Variants in PRUNE2 observed in about 807,000 individuals in gnomAD.
PRUNE2 encodes the protein protein prune homolog 2.
A neutral mutation model predicts 252.0 loss-of-function variants in PRUNE2; 164 were observed. The observed-to-expected ratio is 0.65, with a 90% CI of 0.57 to 0.74. The LOEUF (loss-of-function observed/expected upper bound fraction) is 0.74. Ranked by LOEUF, PRUNE2 falls within the 30% of genes least tolerant of loss-of-function variation. The probability of loss-of-function intolerance (pLI) is 0.00; values close to 1 mark genes in which losing one functional copy is unlikely to be tolerated. For missense variants in PRUNE2, 3,495 were observed against 3,711.0 expected (o/e 0.94, Z 1.51); for synonymous variants, 1,292 against 1,350.2 (o/e 0.96, Z 0.94).
intron 16 of PRUNE2, 102 bp from the exon 17 acceptor site, chr9:76,624,592 T>C (rs1014852404): frequency 1.7e-5 from 13 of 785,608 alleles, no homozygotes; most frequent in Non-Finnish European, 2.4e-5. Flanking sequence ...AAGTGGTGCA[T>C]ATGTGCTTTT....
At chr9:76,814,643 A>G (rs767250031) in intron 6 of PRUNE2, among the ~76,000 whole-genome samples, 1 of 152,196 alleles carries the variant, frequency 6.6e-6, no homozygotes, top group Non-Finnish European at 1.5e-5. Flanking sequence ...GGCCCATTGC[A>G]TCAAGATCCC....
intron 6 of PRUNE2, among the ~76,000 whole-genome samples, chr9:76,762,903 T>C (rs1589077648): frequency 6.6e-6 from 1 of 152,200 alleles, no homozygotes; most frequent in East Asian, 1.9e-4. Flanking sequence ...AAACTGGATA[T>C]TTGGTTTCTG....
intron 6 of PRUNE2, among the ~76,000 whole-genome samples, chr9:76,769,974 T>C (rs1016181559): frequency 6.6e-6 from 1 of 152,172 alleles, no homozygotes; most frequent in Non-Finnish European, 1.5e-5. Context: ...AAAGATTAAC[T>C]AGACAAGAGC....
chr9:76,707,906 T>C lies in PRUNE2; in HGVS notation c.4368A>G (p.Val1456=). Residue 1456 remains valine (V), a synonymous_variant, in exon 8 of 19, where the codon GTA becomes GTG. Transcript: ENST00000376718. ...TCTCAAGATCCTTTTCAGGTACAGA[T>C]ACATATTTTGTGAAATTCATCCCAT... The part of the protein sequence containing the change: ...TSDGMNFTKY[V]SVPEKDLEKT... 3 of 1,613,912 alleles carry C rather than the reference T, an allele frequency of 1.9e-6. No individual in the cohort carries two copies. The highest frequency in any genetic ancestry group is 2.2e-5 in the East Asian group (1 of 44,880).
intron 9 of PRUNE2, among the ~76,000 whole-genome samples, chr9:76,691,815 T>C (rs777083179): frequency 1.3e-5 from 2 of 152,334 alleles, no homozygotes; most frequent in Admixed American, 6.5e-5. Flanking sequence ...GTCTGTTTCC[T>C]GATTACCTGA....
chr9:76,655,524 G>A (rs1313620619), intron 9 of PRUNE2, 22 bp from the exon 10 acceptor site: 4 of 1,576,938 alleles, frequency 2.5e-6, no homozygotes, highest in Non-Finnish European at 2.6e-6. Flanking sequence ...GCAAAGCAAA[G>A]CGCGTCAACA....
chr9:76,679,052 T>C (rs2043131881), intron 9 of PRUNE2, among the ~76,000 whole-genome samples: 1 of 152,180 alleles, frequency 6.6e-6, no homozygotes, highest in Non-Finnish European at 1.5e-5. Flanking sequence ...GAATCTTGGC[T>C]CTGACCTTTT....
At chr9:76,763,666 A>C (rs2051990282) in intron 6 of PRUNE2, among the ~76,000 whole-genome samples, 1 of 152,184 alleles carries the variant, frequency 6.6e-6, no homozygotes, top group Non-Finnish European at 1.5e-5. Context: ...TGAGAGATTA[A>C]AAGCCACGTT....
At chr9:76,816,664 A>C (rs1225860118) in intron 6 of PRUNE2, among the ~76,000 whole-genome samples, 1 of 152,160 alleles carries the variant, frequency 6.6e-6, no homozygotes, top group Admixed American at 6.5e-5. Context: ...TTCCCCAGCT[A>C]CTCGGAGTTT....
intron 6 of PRUNE2, among the ~76,000 whole-genome samples, chr9:76,774,408 G>T (rs2053459584): frequency 6.8e-6 from 1 of 147,800 alleles, no homozygotes; most frequent in Non-Finnish European, 1.5e-5. Context: ...AAAGTGTTGG[G>T]ATTAGAGGCA....
intron 18 of PRUNE2, chr9:76,615,268 A>C: frequency 1.0e-6 from 1 of 983,042 alleles, no homozygotes; most frequent in Non-Finnish European, 1.2e-6. Flanking sequence ...GAAGAAAACC[A>C]AAAGCCAGTA....
chr9:76,754,977 A>AC (rs1008034177), intron 6 of PRUNE2, among the ~76,000 whole-genome samples: 3 of 140,008 alleles, frequency 2.1e-5, no homozygotes, highest in African/African-American at 5.6e-5. Flanking sequence ...AAAAAAAAAA[A>AC]AAAAAAAAAA....
At chr9:76,797,036 C>T (rs2056154315) in intron 6 of PRUNE2, among the ~76,000 whole-genome samples, 1 of 150,968 alleles carries the variant, frequency 6.6e-6, no homozygotes, top group Non-Finnish European at 1.5e-5. Context: ...CACACTCACA[C>T]ATACACACAC....
intron 6 of PRUNE2, among the ~76,000 whole-genome samples, chr9:76,806,539 G>A (rs1469099366): frequency 4.0e-4 from 53 of 133,754 alleles, no homozygotes; most frequent in Non-Finnish European, 1.1e-4. Context: ...ACGGAGTTTC[G>A]CCCTGTCGCC....
chr9:76,672,111 T>C (rs889248619), intron 9 of PRUNE2, among the ~76,000 whole-genome samples: 12 of 151,988 alleles, frequency 7.9e-5, no homozygotes, highest in African/African-American at 2.4e-4. Context: ...GACTGGCGAA[T>C]TGGATAAAGA....
At chr9:76,745,282 A>C (rs1428383103) in intron 6 of PRUNE2, among the ~76,000 whole-genome samples, 1 of 152,210 alleles carries the variant, frequency 6.6e-6, no homozygotes, top group Non-Finnish European at 1.5e-5. Context: ...TTGTAAAGCT[A>C]ATGAAAGGCT....
chr9:76,779,243 T>C (rs2054118143), intron 6 of PRUNE2, among the ~76,000 whole-genome samples: 2 of 152,080 alleles, frequency 1.3e-5, no homozygotes, highest in African/African-American at 4.8e-5. Flanking sequence ...TTTTTTTTTT[T>C]TTTGGAAGTA....
chr9:76,710,762 C>A lies in PRUNE2; in HGVS notation c.1512G>T (p.Gly504=). The change falls in exon 8 of 19, where the codon GGG becomes GGT. Residue 504 remains glycine, a synonymous_variant. Coordinates refer to ENST00000376718, the MANE Select transcript of PRUNE2 (RefSeq NM_015225.3). ...FNFDPAPMAS[G]QSQQSSHSAD... ...CAGAATGAGAAGATTGCTGGGACTG[C>A]CCAGAAGCCATGGGTGCTGGGTCAA... is the stretch of plus-strand genomic sequence containing the variant. 1 of 1,607,942 alleles carries A rather than the reference C, an allele frequency of 6.2e-7. No individual in the cohort carries two copies. The highest frequency in any genetic ancestry group is 2.2e-5 in the East Asian group (1 of 44,846).
rs1291179293 is a variant in PRUNE2 at position 76,706,989 on chromosome 9, C to T, written c.5285G>A (p.Ser1762Asn). Reference protein sequence around the residue: ...KSNPFCDNQQSSPDPWTFSPL... With the variant: ...KSNPFCDNQQNSPDPWTFSPL... ...TGAGAAAGTCCAGGGATCAGGGCTG[C>T]TTTGTTGATTGTCACAGAATGGGTT... The change falls in exon 8 of 19, where the codon AGC (serine) becomes AAC (asparagine). Residue 1762 changes from serine (S) to asparagine (N), a missense_variant. Physicochemically the swap from Ser to Asn is conservative, Grantham distance 46 (BLOSUM62 1). Transcript: ENST00000376718. 1 of 1,613,996 alleles carries T rather than the reference C, an allele frequency of 6.2e-7. No homozygotes were observed. The highest frequency in any genetic ancestry group is 1.7e-5 in the Admixed American group (1 of 60,024).
Sources: allele counts gnomAD v4.1 joint callset (sites outside exome capture counted in the v4.1 genomes callset), GRCh38; gene constraint gnomAD v4.1.1; transcripts MANE v1.5; gene names NCBI Gene and HGNC (gene_info 2026-07-23, HGNC 2026-07-21).